The following SLCO3A1 variants were observed in gnomAD, a reference collection of about 807,000 sequenced individuals.
The protein encoded by SLCO3A1 is solute carrier organic anion transporter family member 3A1.
In SLCO3A1, 27 loss-of-function variants were observed where a neutral mutation model predicts 63.1. That is an observed-to-expected ratio of 0.43 (90% CI 0.32 to 0.59). SLCO3A1 has a LOEUF of 0.59. SLCO3A1 is among the 20% of genes least tolerant of loss of function. SLCO3A1 has a pLI of 0.09. For missense variants in SLCO3A1, 773 were observed against 945.8 expected, an observed-to-expected ratio of 0.82 and a Z score of 2.40; for synonymous variants, 473 against 409.9, an observed-to-expected ratio of 1.15 and a Z score of -1.86.
intron 2 of SLCO3A1, among the ~76,000 whole-genome samples, chr15:92,046,465 G>T (rs2046864709): frequency 6.6e-6 from 1 of 152,092 alleles, no homozygotes; most frequent in African/African-American, 2.4e-5. Flanking sequence ...AGGAGGCGGA[G>T]GTTGCATTGA....
chr15:92,100,661 C>T (rs1377698631), intron 3 of SLCO3A1, among the ~76,000 whole-genome samples: 1 of 152,178 alleles, frequency 6.6e-6, no homozygotes, highest in Non-Finnish European at 1.5e-5. Context: ...AATACTTTTG[C>T]TATGCCAAGC....
intron 2 of SLCO3A1, among the ~76,000 whole-genome samples, chr15:92,084,657 C>T (rs562327291): frequency 6.6e-6 from 1 of 152,262 alleles, no homozygotes; most frequent in South Asian, 2.1e-4. Context: ...TGGCTTTGCT[C>T]TCAGGGGCAT....
chr15:91,954,392 G>A lies in SLCO3A1; in HGVS notation c.646+37934G>A, dbSNP rs961902583. ...GAGCCTCAGCCAGGCGGAGACGGGC[G>A]GGTACTGCACAGAGTGAGGCAGTCA... On this transcript the variant is annotated intron_variant, in intron 2 of 9. Transcript: ENST00000318445. This position sits in a 1 kb window ranked among gnomAD's most constrained non-coding sequence, Gnocchi z 4.7. 7.2e-5 allele frequency among the ~76,000 whole-genome samples: 11 copies of A among 152,184 alleles called. No individual in the cohort carries two copies. Among genetic ancestry groups the A allele is most frequent in the African/African-American group, 2.4e-4 (10 of 41,424 alleles).
intron 2 of SLCO3A1, among the ~76,000 whole-genome samples, chr15:92,042,343 A>G (rs2046810106): frequency 6.6e-6 from 1 of 152,224 alleles, no homozygotes; most frequent in South Asian, 2.1e-4. Flanking sequence ...ACTGTTGCAG[A>G]CAAAAGTGGA....
chr15:91,956,912 C>T (rs1202468633), intron 2 of SLCO3A1, among the ~76,000 whole-genome samples: 1 of 113,396 alleles, frequency 8.8e-6, no homozygotes, highest in African/African-American at 3.4e-5. Flanking sequence ...GCCTCAGCCT[C>T]CCAAGGTTGG....
intron 8 of SLCO3A1, among the ~76,000 whole-genome samples, chr15:92,148,077 A>T (rs141311716): frequency 1.3e-5 from 2 of 152,304 alleles, no homozygotes; most frequent in African/African-American, 4.8e-5. Context: ...GCGTGTTGGC[A>T]CATGCTTGTA....
At chr15:91,945,440 G>C (rs1387718671) in intron 2 of SLCO3A1, among the ~76,000 whole-genome samples, 1 of 152,064 alleles carries the variant, frequency 6.6e-6, no homozygotes, top group Non-Finnish European at 1.5e-5. Context: ...CATTCTAATA[G>C]GGAAGACAGC....
chr15:92,050,429 C>T (rs531872987), intron 2 of SLCO3A1, among the ~76,000 whole-genome samples: 1 of 152,280 alleles, frequency 6.6e-6, no homozygotes, highest in African/African-American at 2.4e-5. Context: ...TCACAGAGTC[C>T]CTGCACACGG....
intron 7 of SLCO3A1, among the ~76,000 whole-genome samples, chr15:92,144,813 G>A (rs549850730): frequency 7.2e-5 from 11 of 152,296 alleles, no homozygotes; most frequent in East Asian, 5.8e-4. Context: ...ACCGGCACTC[G>A]TTCCTGGAGG....
At chr15:92,158,481 T>C (rs2048398592) in intron 9 of SLCO3A1, among the ~76,000 whole-genome samples, 1 of 152,162 alleles carries the variant, frequency 6.6e-6, no homozygotes, top group African/African-American at 2.4e-5. Context: ...GGAGTGGTTA[T>C]GGAGGGGACG....
At chr15:91,879,858 G>A (rs1223904865) in intron 1 of SLCO3A1, among the ~76,000 whole-genome samples, 1 of 152,160 alleles carries the variant, frequency 6.6e-6, no homozygotes, top group African/African-American at 2.4e-5. Flanking sequence ...CGAGATTCCT[G>A]AAGAGGATCC....
rs1233583846 is a variant in SLCO3A1 at position 91,941,093 on chromosome 15, C to A, written c.646+24635C>A. ...ATTTTCTCTGACATTAACGTGCAAG[C>A]CTCTGGCCGTGCAATTAGAGGTTGT... is the stretch of plus-strand genomic sequence containing the variant. On this transcript the variant is annotated intron_variant, in intron 2 of 9. Transcript: ENST00000318445. The surrounding 1 kb of genome is among the most constrained non-coding windows in gnomAD (Gnocchi z 4.4). Among the ~76,000 whole-genome samples, 1 of 152,172 alleles carries A rather than the reference C, an allele frequency of 6.6e-6. No homozygotes were observed. The highest frequency in any genetic ancestry group is 1.5e-5 in the Non-Finnish European group (1 of 68,046).
At chr15:91,929,308 A>G (rs1459627219) in intron 2 of SLCO3A1, among the ~76,000 whole-genome samples, 1 of 152,186 alleles carries the variant, frequency 6.6e-6, no homozygotes, top group Non-Finnish European at 1.5e-5. Context: ...TTCCAACTCT[A>G]TGTCCTGAAG....
intron 2 of SLCO3A1, among the ~76,000 whole-genome samples, chr15:91,926,631 A>G (rs371898851): frequency 1.6e-5 from 2 of 126,004 alleles, no homozygotes; most frequent in Non-Finnish European, 3.3e-5. Context: ...TTTAAACCAC[A>G]TAATAGACAA....
chr15:92,037,711 T>C (rs2046745870), intron 2 of SLCO3A1, among the ~76,000 whole-genome samples: 1 of 152,254 alleles, frequency 6.6e-6, no homozygotes, highest in African/African-American at 2.4e-5. Flanking sequence ...CTGGAAGACA[T>C]AGCCCAAGAC....
chr15:91,858,077 A>T (rs1231123936), intron 1 of SLCO3A1, among the ~76,000 whole-genome samples: 1 of 151,962 alleles, frequency 6.6e-6, no homozygotes, highest in African/African-American at 2.4e-5. Context: ...GTGGGCTTGC[A>T]ATTAATGGGT....
At chr15:92,017,408 G>A (rs868760949) in intron 2 of SLCO3A1, among the ~76,000 whole-genome samples, 1 of 152,184 alleles carries the variant, frequency 6.6e-6, no homozygotes, top group African/African-American at 2.4e-5. Flanking sequence ...GACAGGGAAG[G>A]ACCTAGTGTT....
intron 2 of SLCO3A1, among the ~76,000 whole-genome samples, chr15:91,990,109 G>C (rs1352836840): frequency 2.0e-5 from 3 of 152,206 alleles, no homozygotes. Context: ...GGGCGGAAGA[G>C]ATGGTGCTTT....
intron 2 of SLCO3A1, among the ~76,000 whole-genome samples, chr15:91,946,104 T>A (rs1251816201): frequency 1.3e-5 from 2 of 152,218 alleles, no homozygotes; most frequent in East Asian, 3.8e-4. Flanking sequence ...GGATTCAGTA[T>A]GGACTTCTTA....
Sources: gnomAD v4.1 joint callset for allele counts (sites outside exome capture counted in the v4.1 genomes callset) on GRCh38, gnomAD v4.1.1 for gene constraint, Gnocchi (gnomAD v3.1) non-coding constraint, MANE v1.5 for transcripts, NCBI Gene and HGNC (gene_info 2026-07-23, HGNC 2026-07-21) for gene names.